Variants in TMTC1 observed in about 807,000 individuals in gnomAD.
TMTC1 encodes the protein transmembrane O-mannosyltransferase targeting cadherins 1.
In TMTC1, 73 loss-of-function variants were observed where a neutral mutation model predicts 104.8. The ratio of observed to expected loss-of-function variants is 0.70; its 90% CI spans 0.58 to 0.85. The LOEUF (loss-of-function observed/expected upper bound fraction) is 0.85, where lower values mean the gene tolerates loss of function less well. Ranked by LOEUF, TMTC1 falls within the 40% of genes least tolerant of loss-of-function variation. The probability of loss-of-function intolerance (pLI) is 0.00; values close to 1 mark genes in which losing one functional copy is unlikely to be tolerated. For synonymous variants in TMTC1, 434 were observed against 428.7 expected (o/e 1.01, Z -0.15); for missense variants, 1,035 against 1,096.1 (o/e 0.94, Z 0.79).
At chr12:29,614,141 A>G (rs1946917364) in intron 6 of TMTC1, among the ~76,000 whole-genome samples, 1 of 152,216 alleles carries the variant, frequency 6.6e-6, no homozygotes. Flanking sequence ...ACACATGAAT[A>G]TAACAAGAAG....
chr12:29,663,499 G>A (rs911516355), intron 5 of TMTC1, among the ~76,000 whole-genome samples: 1 of 151,870 alleles, frequency 6.6e-6, no homozygotes, highest in African/African-American at 2.4e-5. Flanking sequence ...CAAAGTTTAG[G>A]ATATTTTTAG....
chr12:29,649,476 C>T (rs371724798), intron 5 of TMTC1, among the ~76,000 whole-genome samples: 7 of 152,310 alleles, frequency 4.6e-5, no homozygotes, highest in Admixed American at 2.0e-4. Flanking sequence ...AACAGGACTG[C>T]GGACAGGTGG....
chr12:29,612,069 C>G (rs1205114724), intron 6 of TMTC1, among the ~76,000 whole-genome samples: 1 of 152,138 alleles, frequency 6.6e-6, no homozygotes, highest in African/African-American at 2.4e-5. Context: ...CTGAGTCACT[C>G]TAAAGCCTGT....
At chr12:29,544,837 T>A (rs948432587) in intron 10 of TMTC1, among the ~76,000 whole-genome samples, 1 of 152,182 alleles carries the variant, frequency 6.6e-6, no homozygotes, top group Non-Finnish European at 1.5e-5. Context: ...ATGATGCAGT[T>A]TAATGCGTGT....
chr12:29,682,487 T>TA (rs1004070040), intron 5 of TMTC1, among the ~76,000 whole-genome samples: 2 of 151,954 alleles, frequency 1.3e-5, no homozygotes, highest in African/African-American at 2.4e-5. Flanking sequence ...AAAAATTTAC[T>TA]AAAAAAAACC....
chr12:29,518,348 T>G (rs1944049838), intron 13 of TMTC1, 124 bp downstream of exon 13: 10 of 1,093,726 alleles, frequency 9.1e-6, no homozygotes, highest in Non-Finnish European at 1.2e-5. Flanking sequence ...TAAAAATTTG[T>G]ATCACCTGAA....
At chr12:29,641,394 C>T (rs1591843594) in intron 5 of TMTC1, among the ~76,000 whole-genome samples, 1 of 152,136 alleles carries the variant, frequency 6.6e-6, no homozygotes, top group African/African-American at 2.4e-5. Context: ...GCTGAGAGAC[C>T]CATAGACGGT....
intron 5 of TMTC1, among the ~76,000 whole-genome samples, chr12:29,643,737 A>AAT (rs1939060443): frequency 7.8e-5 from 1 of 12,818 alleles, no homozygotes; most frequent in Non-Finnish European, 1.3e-4. Flanking sequence ...TATATATTAT[A>AAT]ATAAATATAT....
chr12:29,746,114 G>A (rs998766676), intron 5 of TMTC1, among the ~76,000 whole-genome samples: 1 of 152,102 alleles, frequency 6.6e-6, no homozygotes, highest in Non-Finnish European at 1.5e-5. Context: ...CATCACTGAG[G>A]TTTATATTTT....
At chr12:29,643,623 A>ATATATTATATATATAATATATATGT (rs1939011286) in intron 5 of TMTC1, among the ~76,000 whole-genome samples, 1 of 27,620 alleles carries the variant, frequency 3.6e-5, no homozygotes, top group Non-Finnish European at 6.1e-5. Flanking sequence ...ATATATATCT[A>ATATATTATATATATAATATATATGT]TATATTATAT....
chr12:29,609,556 A>C (rs1158469890), intron 6 of TMTC1, among the ~76,000 whole-genome samples: 3 of 152,256 alleles, frequency 2.0e-5, no homozygotes, highest in African/African-American at 7.2e-5. Flanking sequence ...TTTATTTAAA[A>C]TATTGTGAAC....
At chr12:29,619,801 T>G (rs1466362609) in intron 6 of TMTC1, among the ~76,000 whole-genome samples, 2 of 152,200 alleles carry the variant, frequency 1.3e-5, no homozygotes, top group Non-Finnish European at 2.9e-5. Flanking sequence ...TATGTTATAT[T>G]CTGCCCTTCT....
At chr12:29,640,873 T>C (rs1373702525) in intron 5 of TMTC1, 1 of 151,926 alleles carries the variant, frequency 6.6e-6, no homozygotes, top group African/African-American at 2.4e-5. Context: ...CAGCCTCATA[T>C]CGCTTACGGT....
At chr12:29,691,169 T>C (rs889823278) in intron 5 of TMTC1, among the ~76,000 whole-genome samples, 1 of 152,176 alleles carries the variant, frequency 6.6e-6, no homozygotes, top group African/African-American at 2.4e-5. Context: ...CTCCCCAAAT[T>C]GCTCCTGGGA....
chr12:29,511,131 A>G (rs1189075178), intron 17 of TMTC1, among the ~76,000 whole-genome samples: 1 of 152,206 alleles, frequency 6.6e-6, no homozygotes, highest in Non-Finnish European at 1.5e-5. Context: ...ATTGCCTGGC[A>G]TTCCAATCTT....
intron 13 of TMTC1, among the ~76,000 whole-genome samples, chr12:29,518,067 T>A (rs1354011204): frequency 6.6e-6 from 1 of 152,240 alleles, no homozygotes; most frequent in African/African-American, 2.4e-5. Context: ...AACGTAAGAA[T>A]GTCTTATTGA....
chr12:29,613,919 T>C (rs754581388), intron 6 of TMTC1: 13 of 979,584 alleles, frequency 1.3e-5, no homozygotes, highest in Admixed American at 6.2e-5. Context: ...CCAAAATGCA[T>C]GATTCATCTA....
At chr12:29,724,509 A>G (rs749980212) in intron 5 of TMTC1, among the ~76,000 whole-genome samples, 1 of 152,152 alleles carries the variant, frequency 6.6e-6, no homozygotes, top group Non-Finnish European at 1.5e-5. Context: ...TTCCATCACC[A>G]CATTCTGGAT....
At chr12:29,635,891 T>G (rs1054808485) in intron 5 of TMTC1, among the ~76,000 whole-genome samples, 3 of 152,154 alleles carry the variant, frequency 2.0e-5, no homozygotes, top group Admixed American at 6.5e-5. Flanking sequence ...TAAAAGAAAC[T>G]TCAGAGACAT....
Sources: gnomAD v4.1 joint callset for allele counts (sites outside exome capture counted in the v4.1 genomes callset) on GRCh38, gnomAD v4.1.1 for gene constraint, MANE v1.5 for transcripts, NCBI Gene and HGNC (gene_info 2026-07-23, HGNC 2026-07-21) for gene names.